The following HTT variants were observed in gnomAD, a reference collection of about 807,000 sequenced individuals.
The protein encoded by HTT is huntingtin.
HTT carries 104 observed loss-of-function variants against 362.3 expected under a neutral mutation model. The ratio of observed to expected loss-of-function variants is 0.29; its 90% confidence interval spans 0.24 to 0.34. The LOEUF (loss-of-function observed/expected upper bound fraction) is 0.34. Ranked by LOEUF, HTT falls within the 10% of genes least tolerant of loss-of-function variation. The pLI is 1.00. For missense variants in HTT, 3,301 were observed against 3,928.6 expected (o/e 0.84, Z 4.27); for synonymous variants, 1,577 against 1,548.7 (o/e 1.02, Z -0.43).
intron 61 of HTT, among the ~76,000 whole-genome samples, chr4:3,234,312 G>A (rs1031289656): frequency 2.6e-5 from 4 of 152,350 alleles, no homozygotes; most frequent in Non-Finnish European, 5.9e-5. Context: ...TCACAAGCCC[G>A]TGGGGAGGCC....
rs1162797367 is a variant in HTT at position 3,132,648 on chromosome 4, C to T, written c.2323C>T (p.Leu775Phe). Residue 775 changes from leucine to phenylalanine, a missense_variant, in exon 17 of 67, where the codon CTC becomes TTC. Around this residue, in one of 4 missense-constraint regions of HTT, gnomAD observed 2,316 missense variants for 2,658.5 expected, o/e 0.87. Coordinates refer to ENST00000355072, the MANE Select transcript of HTT (RefSeq NM_001388492.1). ...AGCCACTGCCATTCTCTGTGGGACC[C>T]TCATCTGCTCCATCCTCAGCAGGTC... ...RGATAILCGT[L>F]ICSILSRSRF... 3.7e-6 allele frequency: 6 copies of T among 1,614,070 alleles called. No individual in the cohort carries two copies. The highest frequency in any genetic ancestry group is 1.1e-5 in the South Asian group (1 of 91,080).
At chr4:3,187,990 C>G in intron 39 of HTT, 104 bp downstream of exon 39, 1 of 678,980 alleles carries the variant, frequency 1.5e-6, no homozygotes. Flanking sequence ...TGCTTCACTT[C>G]TGAGTTGGGT....
intron 25 of HTT, 147 bp from the exon 26 acceptor site, chr4:3,147,858 A>T: frequency 1.7e-6 from 1 of 580,822 alleles, no homozygotes; most frequent in African/African-American, 1.9e-5. Flanking sequence ...CATCAGTTTC[A>T]GTTTGAGTTT....
At chr4:3,155,929 C>T (rs1417167712) in intron 27 of HTT, among the ~76,000 whole-genome samples, 2 of 151,578 alleles carry the variant, frequency 1.3e-5, no homozygotes, top group Non-Finnish European at 2.9e-5. Flanking sequence ...AATACATATG[C>T]ATTGTGGAAT....
At chr4:3,188,635 A>G (rs944275386) in intron 39 of HTT, 3 of 216,320 alleles carry the variant, frequency 1.4e-5, no homozygotes, top group African/African-American at 7.0e-5. Flanking sequence ...CCTGTGTCGC[A>G]TTGAAGCAGC....
chr4:3,199,515 G>T (rs1168569654), intron 40 of HTT, among the ~76,000 whole-genome samples: 1 of 151,436 alleles, frequency 6.6e-6, no homozygotes, highest in Non-Finnish European at 1.5e-5. Flanking sequence ...ACTCCAACCT[G>T]GGCAACAAGA....
chr4:3,207,934 C>T (rs575087096), intron 45 of HTT, among the ~76,000 whole-genome samples: 3 of 96,688 alleles, frequency 3.1e-5, no homozygotes, highest in Admixed American at 1.2e-4. Context: ...CCTTGCGGGG[C>T]GGGGTGGGGG....
rs1714962125 is a variant in HTT at position 3,115,316 on chromosome 4, G to A, written c.760G>A (p.Ala254Thr). Reference protein sequence around the residue: ...NDNEIKVLLKAFIANLKSSSP... With the variant: ...NDNEIKVLLKTFIANLKSSSP... ...TTTGCTTCCGTAGGTTTTGTTAAAG[G>A]CCTTCATAGCGAACCTGAAGTCAAG... is the stretch of plus-strand genomic sequence containing the variant. The change falls in exon 7 of 67, where the codon GCC becomes ACC. Residue 254 changes from alanine (A) to threonine (T), a missense_variant. Transcript: ENST00000355072. 2.5e-6 allele frequency: 4 copies of A among 1,613,826 alleles called. No homozygotes were observed. The South Asian group carries it at 3.3e-5, about 13-fold the overall frequency.
chr4:3,099,424 A>G, intron 3 of HTT, 30 bp downstream of exon 3: 1 of 1,612,460 alleles, frequency 6.2e-7, no homozygotes, highest in South Asian at 1.1e-5. Flanking sequence ...TGTTCTCCTC[A>G]GAGCTATCAT....
intron 3 of HTT, among the ~76,000 whole-genome samples, chr4:3,100,388 G>A (rs998702588): frequency 1.6e-4 from 25 of 152,082 alleles, no homozygotes; most frequent in Non-Finnish European, 3.5e-4. Context: ...GGTTTCCATG[G>A]TATCCTTTTG....
At chr4:3,189,173 C>A in intron 40 of HTT, 80 bp downstream of exon 40, 1 of 1,413,716 alleles carries the variant, frequency 7.1e-7, no homozygotes, top group Non-Finnish European at 9.7e-7. Flanking sequence ...AGGAGCTGTG[C>A]TGCCCGGTAG....
intron 14 of HTT, among the ~76,000 whole-genome samples, chr4:3,130,846 T>A (rs1381895869): frequency 6.6e-6 from 1 of 152,182 alleles, no homozygotes; most frequent in Non-Finnish European, 1.5e-5. Flanking sequence ...TCACAGTTCG[T>A]CCCATCAATC....
chr4:3,229,242 A>G (rs920595649), intron 59 of HTT, among the ~76,000 whole-genome samples: 19 of 143,426 alleles, frequency 1.3e-4, no homozygotes, highest in African/African-American at 5.0e-4. Context: ...TGCCACACAC[A>G]CACGCCACAC....
rs945301871 is a variant in HTT, at chr4:3,226,066, G to C, written c.7848+323G>C. Among the ~76,000 whole-genome samples, 8 of 152,308 alleles carry C rather than the reference G, an allele frequency of 5.3e-5. No individual in the cohort carries two copies. The South Asian group carries it at 1.5e-3, about 28-fold the overall frequency. ...AGCAAGGACCGTGAGACACAAAAAG[G>C]GGGGTGAGGACAGAGTGGAGTCAGC... On this transcript the variant is annotated intron_variant, in intron 57 of 66. Transcript: ENST00000355072.
rs1358018629 is a variant in HTT, at chr4:3,199,855, C to T, written c.5492C>T (p.Ala1831Val). The stretch of plus-strand genomic sequence containing the variant: ...CGTTCCATGATCACCACCCACCCGG[C>T]CCTGGTGCTGCTCTGGTGTCAGATA... Reference protein sequence around the residue: ...RARSMITTHPALVLLWCQILL... With the variant: ...RARSMITTHPVLVLLWCQILL... Residue 1831 changes from alanine (A) to valine (V), a missense_variant, in exon 41 of 67, where the codon GCC (alanine) becomes GTC (valine). Physicochemically the swap from Ala to Val is moderately conservative, Grantham distance 64. Around this residue, in one of 4 missense-constraint regions of HTT, gnomAD observed 2,316 missense variants for 2,658.5 expected, o/e 0.87. Coordinates refer to ENST00000355072, the MANE Select transcript of HTT (RefSeq NM_001388492.1). The T allele has an allele frequency of 1.2e-6, 2 of 1,614,178 alleles. No individual in the cohort carries two copies. The highest frequency in any genetic ancestry group is 1.1e-5 in the South Asian group (1 of 91,082).
chr4:3,229,068 A>T, intron 59 of HTT, 59 bp downstream of exon 59: 2 of 1,488,284 alleles, frequency 1.3e-6, no homozygotes, highest in Admixed American at 3.6e-5. Flanking sequence ...CACACACGCC[A>T]CACACCCCAC....
intron 14 of HTT, 58 bp from the exon 15 acceptor site, chr4:3,131,228 T>C (rs1373318391): frequency 8.2e-7 from 1 of 1,220,046 alleles, no homozygotes; most frequent in Non-Finnish European, 1.2e-6. Flanking sequence ...TTGAATGAAC[T>C]AATGCATGAA....
At chr4:3,135,284 A>G (rs1438516707) in intron 19 of HTT, among the ~76,000 whole-genome samples, 3 of 151,892 alleles carry the variant, frequency 2.0e-5, no homozygotes, top group South Asian at 4.1e-4. Flanking sequence ...GATTGTGGCC[A>G]TTGCACTTCA....
chr4:3,081,461 C>G (rs1712892320), intron 1 of HTT, among the ~76,000 whole-genome samples: 1 of 150,914 alleles, frequency 6.6e-6, no homozygotes, highest in African/African-American at 2.4e-5. Context: ...AAAAACATTT[C>G]TTAGCTTGTG....
Sources: gnomAD v4.1 joint callset for allele counts (sites outside exome capture counted in the v4.1 genomes callset) on GRCh38, gnomAD v4.1.1 for gene constraint, gnomAD v4.1.1 regional missense constraint, MANE v1.5 for transcripts, NCBI Gene and HGNC (gene_info 2026-07-23, HGNC 2026-07-21) for gene names.